LRRC4C: variants seen among roughly 807,000 people sequenced by gnomAD.
The protein encoded by LRRC4C is leucine rich repeat containing 4C.
In LRRC4C, 5 loss-of-function variants were observed where a neutral mutation model predicts 33.6. The ratio of observed to expected loss-of-function variants is 0.15; its 90% CI spans 0.08 to 0.31. The LOEUF (loss-of-function observed/expected upper bound fraction) is 0.31, where lower values mean the gene tolerates loss of function less well. Among genes scored for constraint, LRRC4C ranks in the 10% least tolerant of loss-of-function variants. LRRC4C has a pLI of 1.00. For synonymous variants in LRRC4C, 329 were observed against 302.0 expected (o/e 1.09, Z -0.93); for missense variants, 560 against 796.7 (o/e 0.70, Z 3.58).
chr11:41,165,796 G>A (rs539066626), intron 1 of LRRC4C, among the ~76,000 whole-genome samples: 26 of 152,198 alleles, frequency 1.7e-4, no homozygotes, highest in African/African-American at 5.5e-4. Flanking sequence ...TTGGGAGGCC[G>A]AGGTGGGTGG....
chr11:41,283,938 T>C (rs1446548039), intron 1 of LRRC4C, among the ~76,000 whole-genome samples: 2 of 152,234 alleles, frequency 1.3e-5, no homozygotes, highest in Non-Finnish European at 2.9e-5. Context: ...TTGTAATCAT[T>C]GCATTGTAAT....
intron 1 of LRRC4C, among the ~76,000 whole-genome samples, chr11:41,390,649 G>A (rs183059799): frequency 1.3e-5 from 2 of 151,956 alleles, no homozygotes; most frequent in East Asian, 1.9e-4. Context: ...TCATGTCCTT[G>A]AATGAACTTC....
At chr11:40,670,760 G>A (rs993055123) in intron 2 of LRRC4C, among the ~76,000 whole-genome samples, 1 of 152,002 alleles carries the variant, frequency 6.6e-6, no homozygotes, top group Admixed American at 6.6e-5. Context: ...TTGTTTGTTT[G>A]TTTGTTTTTG....
intron 2 of LRRC4C, among the ~76,000 whole-genome samples, chr11:40,725,386 T>C (rs1947239573): frequency 6.6e-6 from 1 of 152,040 alleles, no homozygotes; most frequent in Non-Finnish European, 1.5e-5. Context: ...CAGGTGCTTG[T>C]ATTCCCAGCT....
intron 3 of LRRC4C, among the ~76,000 whole-genome samples, chr11:40,625,648 A>T (rs1225478216): frequency 1.3e-5 from 2 of 152,180 alleles, no homozygotes; most frequent in East Asian, 3.9e-4. Context: ...AGTATTCTAT[A>T]ACATTTTGAG....
At chr11:40,636,794 A>C (rs1941778246) in intron 3 of LRRC4C, among the ~76,000 whole-genome samples, 1 of 152,218 alleles carries the variant, frequency 6.6e-6, no homozygotes, top group Middle Eastern at 3.4e-3. Context: ...GTCCACAGTC[A>C]TTTCTGGGAA....
intron 3 of LRRC4C, among the ~76,000 whole-genome samples, chr11:40,357,724 G>C (rs929329024): frequency 2.0e-5 from 3 of 151,826 alleles, no homozygotes; most frequent in African/African-American, 7.3e-5. Context: ...ATATTCAAAA[G>C]GTATCCACAC....
At chr11:40,872,156 G>A (rs1037435942) in intron 2 of LRRC4C, among the ~76,000 whole-genome samples, 30 of 152,094 alleles carry the variant, frequency 2.0e-4, no homozygotes, top group African/African-American at 7.0e-4. Flanking sequence ...ACCAGTTAAA[G>A]AAGTATCTTA....
intron 1 of LRRC4C, among the ~76,000 whole-genome samples, chr11:40,956,446 G>A (rs913516049): frequency 6.6e-6 from 1 of 151,612 alleles, no homozygotes; most frequent in Non-Finnish European, 1.5e-5. Flanking sequence ...GAAATACTGG[G>A]CACTGTTTAG....
intron 1 of LRRC4C, among the ~76,000 whole-genome samples, chr11:41,348,507 A>T (rs1301941693): frequency 1.3e-5 from 2 of 152,156 alleles, no homozygotes; most frequent in African/African-American, 4.8e-5. Context: ...TTAACATGAC[A>T]TGAATTGAAT....
chr11:40,824,181 G>C (rs1191236277), intron 2 of LRRC4C, among the ~76,000 whole-genome samples: 1 of 151,658 alleles, frequency 6.6e-6, no homozygotes. Flanking sequence ...GGGAAATTTG[G>C]GGGTTGATTG....
At chr11:40,820,989 AATTTT>A (rs1237997827) in intron 2 of LRRC4C, among the ~76,000 whole-genome samples, 1 of 151,790 alleles carries the variant, frequency 6.6e-6, no homozygotes, top group Non-Finnish European at 1.5e-5. Flanking sequence ...TACAAAATTT[AATTTT>A]ATTTCTACAT....
In LRRC4C at chr11:40,553,238, C is replaced by T. The variant is rs141757856; in HGVS notation, c.-270+94904G>A. Among the ~76,000 whole-genome samples, 1,462 of 151,938 alleles carry T rather than the reference C, an allele frequency of 9.6e-3. 16 individuals are homozygous for T. The highest frequency in any genetic ancestry group is 0.033 in the African/African-American group (1,382 of 41,438). ...AGTGAGCTGATATCGCGCCAGTGCACTCCAGCCTGGGTGACAGAGTGAGAC... is the reference window on the plus strand; with the variant it reads ...AGTGAGCTGATATCGCGCCAGTGCATTCCAGCCTGGGTGACAGAGTGAGAC... On this transcript the variant is annotated intron_variant, in intron 3 of 6. Transcript: ENST00000528697.
Position 40,584,168 on chromosome 11 carries a change from C to T in LRRC4C, c.-270+63974G>A, listed in dbSNP as rs556432523. On this transcript the variant is annotated intron_variant, in intron 3 of 6. Coordinates refer to ENST00000528697, the MANE Select transcript of LRRC4C (RefSeq NM_001258419.2). ...CTTTCCTTAAGTATACACACACACA[C>T]GCACACTTCATATATATATATATAT... 4.5e-4 allele frequency among the ~76,000 whole-genome samples: 31 copies of T among 69,318 alleles called. 1 individual carries two copies. The highest frequency in any genetic ancestry group is 8.3e-4 in the Non-Finnish European group (28 of 33,710). 45.5% of individuals were successfully genotyped at this position (69,318 alleles called of 152,430 possible). A position where few individuals can be genotyped will look rare whatever the true frequency, so the allele number is the denominator to read the frequency against.
intron 1 of LRRC4C, among the ~76,000 whole-genome samples, chr11:41,342,379 C>G (rs1379867909): frequency 1.3e-5 from 2 of 152,130 alleles, no homozygotes; most frequent in African/African-American, 4.8e-5. Flanking sequence ...TAACCTCTTC[C>G]TGGAATTATT....
chr11:40,922,406 A>C lies in LRRC4C; in HGVS notation c.-407+11229T>G, dbSNP rs548898039. ...TAAGGCTGTCCACTTAATCTTTATA[A>C]TTCATTTGAAGACGTTTATTGTAGA... is the stretch of plus-strand genomic sequence containing the variant. On this transcript the variant is annotated intron_variant, in intron 2 of 6. Transcript: ENST00000528697. Among the ~76,000 whole-genome samples, 15 of 152,328 alleles carry C rather than the reference A, an allele frequency of 9.8e-5. No homozygotes were observed. In the South Asian group the frequency reaches 2.9e-3, roughly 29 times the overall value.
chr11:40,782,861 C>A (rs759132678), intron 2 of LRRC4C, among the ~76,000 whole-genome samples: 6 of 151,986 alleles, frequency 3.9e-5, no homozygotes, highest in Non-Finnish European at 8.8e-5. Flanking sequence ...GATGTACACA[C>A]ATGTGTATAC....
chr11:40,404,665 T>G (rs1217829891), intron 3 of LRRC4C, among the ~76,000 whole-genome samples: 1 of 152,022 alleles, frequency 6.6e-6, no homozygotes, highest in Non-Finnish European at 1.5e-5. Flanking sequence ...GGCCTCCAAT[T>G]CATCCTTCAC....
chr11:41,244,604 T>A (rs1052162823), intron 1 of LRRC4C, among the ~76,000 whole-genome samples: 7 of 152,140 alleles, frequency 4.6e-5, no homozygotes, highest in African/African-American at 1.7e-4. Flanking sequence ...GAGGAGAAGG[T>A]CTTATACTGC....
Sources: allele counts gnomAD v4.1 joint callset (sites outside exome capture counted in the v4.1 genomes callset), GRCh38; gene constraint gnomAD v4.1.1; transcripts MANE v1.5; gene names NCBI Gene and HGNC (gene_info 2026-07-23, HGNC 2026-07-21).